Variants in TLE2 observed in about 807,000 individuals in gnomAD.
TLE2 encodes the protein TLE family member 2, transcriptional corepressor, also known as transducin-like enhancer protein 2.
TLE2 carries 74 observed loss-of-function variants against 97.2 expected under a neutral mutation model. That is an observed-to-expected ratio of 0.76 (90% CI 0.63 to 0.92). TLE2 has a LOEUF of 0.92. Ranked by LOEUF, TLE2 falls within the 40% of genes least tolerant of loss-of-function variation. TLE2 has a pLI of 0.00. For missense variants in TLE2, 1,038 were observed against 1,008.7 expected (o/e 1.03, Z -0.39); for synonymous variants, 499 against 432.1 (o/e 1.15, Z -1.92).
chr19:3,027,722 CGT>C (rs2089969092), intron 4 of TLE2, 105 bp downstream of exon 4: 1 of 1,089,054 alleles, frequency 9.2e-7, no homozygotes, highest in Non-Finnish European at 1.3e-6. Context: ...GGATGAGACC[CGT>C]GTTCCCTAGG....
chr19:2,998,674 A>G (rs1322629889), intron 19 of TLE2, among the ~76,000 whole-genome samples: 1 of 152,110 alleles, frequency 6.6e-6, no homozygotes, highest in Non-Finnish European at 1.5e-5. Flanking sequence ...AGGCCTCCCA[A>G]AGTGCTGGGA....
intron 1 of TLE2, among the ~76,000 whole-genome samples, chr19:3,043,116 G>A (rs1488660881): frequency 2.0e-5 from 3 of 148,584 alleles, no homozygotes; most frequent in South Asian, 2.1e-4. Context: ...CATCTTGCCC[G>A]GCACAGCTTT....
At chr19:3,033,263 G>T (rs552230172), upstream of TLE2, among the ~76,000 whole-genome samples, 12 of 151,950 alleles carry the variant, frequency 7.9e-5, no homozygotes, top group Admixed American at 7.9e-4. Flanking sequence ...TGCCTCCCAG[G>T]TTCACACCAT....
Position 3,000,623 on chromosome 19 carries a change from T to G in TLE2, c.2124+24A>C, listed in dbSNP as rs769785780. 9 of 1,563,422 alleles carry G rather than the reference T, an allele frequency of 5.8e-6. No individual in the cohort carries two copies. The African/African-American group carries it at 1.2e-4, about 21-fold the overall frequency. The stretch of plus-strand genomic sequence containing the variant: ...ACCCGGGCACATGGCCCTGCCAGAG[T>G]GGGGGCTCCAGACCGCCGAGTACCT... On this transcript the variant is annotated intron_variant, in intron 19 of 19. Coordinates refer to ENST00000262953, the MANE Select transcript of TLE2 (RefSeq NM_003260.5).
upstream of TLE2, among the ~76,000 whole-genome samples, chr19:3,033,769 C>T (rs892702270): frequency 2.6e-5 from 4 of 152,188 alleles, no homozygotes; most frequent in Non-Finnish European, 5.9e-5. Context: ...CTTGTAATCC[C>T]AGCACTTTGG....
At position 3,002,422 on chromosome 19, in the gene TLE2, G is replaced by A. The variant is rs190392633; in HGVS notation, c.1978C>T (p.Arg660Cys). 45 of 1,613,214 alleles carry A rather than the reference G, an allele frequency of 2.8e-5. No individual in the cohort carries two copies. In the East Asian group the frequency reaches 3.6e-4, roughly 13 times the overall value. ...TGCAGCTGGTATTTCTCCGGCTTGC[G>A]GACGTGCAGGATCTCCACGTTGCTA... ...ESSNVEILHVRKPEKYQLHLH... is the reference protein window; with the variant it reads ...ESSNVEILHVCKPEKYQLHLH... Residue 660 changes from arginine to cysteine, a missense_variant, in exon 18 of 20, where the codon CGC (arginine) becomes TGC (cysteine). Transcript: ENST00000262953.
rs1301304185 is a variant in TLE2 at position 3,025,000 on chromosome 19, C to G, written c.294+20G>C. 3 of 1,577,880 alleles carry G rather than the reference C, an allele frequency of 1.9e-6. No homozygotes were observed. Among genetic ancestry groups the G allele is most frequent in the African/African-American group, 2.7e-5 (2 of 74,146 alleles). On this transcript the variant is annotated intron_variant, in intron 5 of 19. Coordinates refer to ENST00000262953, the MANE Select transcript of TLE2 (RefSeq NM_003260.5). The stretch of plus-strand genomic sequence containing the variant: ...TTCCGGCTCCCTTCCCCTCCTCCCC[C>G]CACCCCCAGGCCCACTCACCTCCTG...
Position 2,997,663 on chromosome 19 carries a change from T to C in TLE2, c.*185A>G. 1 of 582,174 alleles carries C rather than the reference T, an allele frequency of 1.7e-6. No homozygotes were observed. Among genetic ancestry groups the C allele is most frequent in the South Asian group, 2.1e-5 (1 of 47,450 alleles). 36.1% of individuals were successfully genotyped at this position (582,174 alleles called of 1,614,324 possible). A position where few individuals can be genotyped will look rare whatever the true frequency, so the allele number is the denominator to read the frequency against. On this transcript the variant is annotated 3_prime_UTR_variant, in exon 20 of 20. Coordinates refer to ENST00000262953, the MANE Select transcript of TLE2 (RefSeq NM_003260.5). Reference sequence around the variant, plus strand: ...TGCGGATGTGATAGATACATTTTATTTCCACCGAGGTCCCCTGCCCATCGG... The same window carrying C: ...TGCGGATGTGATAGATACATTTTATCTCCACCGAGGTCCCCTGCCCATCGG...
intron 14 of TLE2, among the ~76,000 whole-genome samples, chr19:3,008,068 C>T (rs1055485184): frequency 6.6e-6 from 1 of 151,488 alleles, no homozygotes; most frequent in Non-Finnish European, 1.5e-5. Flanking sequence ...GGGGACAGAG[C>T]GAAACTCAGT....
chr19:3,006,142 T>C (rs754326055), intron 15 of TLE2, 174 bp from the exon 16 acceptor site: 4 of 956,594 alleles, frequency 4.2e-6, no homozygotes, highest in African/African-American at 1.6e-5. Context: ...CACTGCCCCA[T>C]CTGACTATAA....
At chr19:3,010,871 G>A in intron 12 of TLE2, 151 bp downstream of exon 12, 1 of 1,077,548 alleles carries the variant, frequency 9.3e-7, no homozygotes, top group Non-Finnish European at 1.3e-6. Context: ...CTGCCCAGAG[G>A]GAGGCAGCGT....
intron 17 of TLE2, among the ~76,000 whole-genome samples, chr19:3,004,890 G>A (rs1209245592): frequency 6.6e-6 from 1 of 152,072 alleles, no homozygotes; most frequent in Non-Finnish European, 1.5e-5. Context: ...AGGATCTGGG[G>A]TCACGGTGCC....
chr19:3,023,114 G>C (rs1052871286), intron 5 of TLE2, among the ~76,000 whole-genome samples: 3 of 150,876 alleles, frequency 2.0e-5, no homozygotes, highest in African/African-American at 7.3e-5. Context: ...GAGTGCAATG[G>C]TGCGAACTCG....
intron 8 of TLE2, among the ~76,000 whole-genome samples, chr19:3,017,065 C>G (rs1445609953): frequency 8.6e-6 from 1 of 116,044 alleles, no homozygotes; most frequent in Non-Finnish European, 1.7e-5. Context: ...AACACTACAG[C>G]CTTCTGGGTA....
At chr19:3,017,452 C>CTTTCTT (rs1555692473) in intron 8 of TLE2, among the ~76,000 whole-genome samples, 2 of 123,840 alleles carry the variant, frequency 1.6e-5, no homozygotes, top group African/African-American at 6.4e-5. Flanking sequence ...TTCTTTCTTT[C>CTTTCTT]TTTTTTTTTT....
intron 19 of TLE2, 76 bp from the exon 20 acceptor site, chr19:2,998,031 G>T: frequency 9.5e-7 from 1 of 1,057,568 alleles, no homozygotes; most frequent in Non-Finnish European, 1.4e-6. Flanking sequence ...CAAGGCTGGG[G>T]CGGAGTCAGG....
At chr19:3,028,267 C>T (rs372104628) in intron 3 of TLE2, 52 bp downstream of exon 3, 22 of 1,557,180 alleles carry the variant, frequency 1.4e-5, no homozygotes, top group Admixed American at 1.9e-5. Context: ...TCCACCGTGA[C>T]TCAAAGCCCT....
chr19:3,031,772 C>T (rs991121005), upstream of TLE2, among the ~76,000 whole-genome samples: 1 of 152,140 alleles, frequency 6.6e-6, no homozygotes, highest in African/African-American at 2.4e-5. Flanking sequence ...TCCCTTGCTT[C>T]TTATCATTCA....
intron 1 of TLE2, among the ~76,000 whole-genome samples, chr19:3,044,577 G>C (rs542627994): frequency 6.6e-6 from 1 of 152,114 alleles, no homozygotes; most frequent in Non-Finnish European, 1.5e-5. Flanking sequence ...GCGCCACCAC[G>C]CCCGGCTAAT....
Sources: gnomAD v4.1 joint callset for allele counts (sites outside exome capture counted in the v4.1 genomes callset) on GRCh38, gnomAD v4.1.1 for gene constraint, MANE v1.5 for transcripts, NCBI Gene and HGNC (gene_info 2026-07-23, HGNC 2026-07-21) for gene names.